The following PPP1R14C variants were observed in gnomAD, a reference collection of about 807,000 sequenced individuals.
PPP1R14C encodes the protein protein phosphatase 1 regulatory inhibitor subunit 14C.
Under a neutral mutation model 20.4 loss-of-function variants are expected in PPP1R14C, and 16 were observed. The observed-to-expected ratio is 0.78, with a 90% confidence interval of 0.53 to 1.19. The LOEUF (loss-of-function observed/expected upper bound fraction) is 1.19, where lower values mean the gene tolerates loss of function less well. Among genes scored for constraint, PPP1R14C ranks in the 50% most tolerant of loss-of-function variants. PPP1R14C has a pLI of 0.00. For missense variants in PPP1R14C, 211 were observed against 220.1 expected (o/e 0.96, Z 0.26); for synonymous variants, 91 against 91.0 (o/e 1.00, Z 0.00).
chr6:150,215,797 C>T (rs981653665), intron 2 of PPP1R14C, among the ~76,000 whole-genome samples: 2 of 152,068 alleles, frequency 1.3e-5, no homozygotes, highest in Admixed American at 1.3e-4. Context: ...CACCCCGCAC[C>T]CCCCAGTTCC....
chr6:150,212,118 C>T (rs1467933981), intron 1 of PPP1R14C, among the ~76,000 whole-genome samples: 2 of 152,178 alleles, frequency 1.3e-5, no homozygotes, highest in African/African-American at 4.8e-5. Flanking sequence ...TGCTTCCCAA[C>T]TTCTGGGCCA....
At chr6:150,191,105 GCTTA>G (rs1777736617) in intron 1 of PPP1R14C, among the ~76,000 whole-genome samples, 1 of 152,118 alleles carries the variant, frequency 6.6e-6, no homozygotes, top group South Asian at 2.1e-4. Context: ...GGGCTCTGCA[GCTTA>G]CTGTTCCCTC....
intron 1 of PPP1R14C, among the ~76,000 whole-genome samples, chr6:150,206,615 A>C (rs1777953923): frequency 6.6e-6 from 1 of 151,930 alleles, no homozygotes; most frequent in Non-Finnish European, 1.5e-5. Flanking sequence ...GAGGAAAGGG[A>C]GGCGTTCTAC....
At chr6:150,157,566 G>A (rs947030886) in intron 1 of PPP1R14C, among the ~76,000 whole-genome samples, 2 of 149,582 alleles carry the variant, frequency 1.3e-5, no homozygotes, top group African/African-American at 2.6e-5. Flanking sequence ...TATCAAGAAA[G>A]AGCCTTATTT....
intron 1 of PPP1R14C, among the ~76,000 whole-genome samples, chr6:150,206,872 G>GT (rs397962811): frequency 0.2 from 30,006 of 146,480 alleles, 3,146 homozygotes; most frequent in African/African-American, 0.25. Flanking sequence ...TTCTGTTTTT[G>GT]TTTTTTTTTT....
At chr6:150,239,932 T>C (rs6557396) in intron 3 of PPP1R14C, among the ~76,000 whole-genome samples, 75,113 of 151,892 alleles carry the variant, frequency 0.49, 20,444 homozygotes, top group African/African-American at 0.74. Flanking sequence ...TGCATGCCTG[T>C]AATCCCAGCT....
chr6:150,151,363 ATC>A (rs1427198470), intron 1 of PPP1R14C, among the ~76,000 whole-genome samples: 1 of 152,100 alleles, frequency 6.6e-6, no homozygotes, highest in African/African-American at 2.4e-5. Context: ...TGGCATGCTT[ATC>A]TCTTGCCTCC....
intron 3 of PPP1R14C, among the ~76,000 whole-genome samples, chr6:150,247,454 G>A (rs1778506250): frequency 6.6e-6 from 1 of 152,130 alleles, no homozygotes; most frequent in Non-Finnish European, 1.5e-5. Flanking sequence ...GTGTAAAGTG[G>A]GAACCATTCT....
At chr6:150,237,791 C>A (rs1164337870) in intron 3 of PPP1R14C, among the ~76,000 whole-genome samples, 13 of 152,198 alleles carry the variant, frequency 8.5e-5, no homozygotes, top group Non-Finnish European at 2.9e-5. Flanking sequence ...CCCAAGTCAT[C>A]TGACTCTAGA....
intron 1 of PPP1R14C, among the ~76,000 whole-genome samples, chr6:150,200,121 G>T (rs1298028481): frequency 4.0e-5 from 6 of 148,202 alleles, no homozygotes; most frequent in Non-Finnish European, 9.0e-5. Context: ...TACATTTTTG[G>T]TAGCATTATT....
At chr6:150,191,788 T>C (rs1385437450) in intron 1 of PPP1R14C, among the ~76,000 whole-genome samples, 1 of 152,208 alleles carries the variant, frequency 6.6e-6, no homozygotes, top group African/African-American at 2.4e-5. Flanking sequence ...TGAGTACTTA[T>C]GCACATTGAA....
rs149447701 is a variant in PPP1R14C at position 150,156,618 on chromosome 6, C to A, written c.306+13120C>A. Among the ~76,000 whole-genome samples, 19 of 152,288 alleles carry A rather than the reference C, an allele frequency of 1.2e-4. 1 individual carries two copies. Among genetic ancestry groups the A allele is most frequent in the African/African-American group, 4.3e-4 (18 of 41,558 alleles). On this transcript the variant is annotated intron_variant, in intron 1 of 3. Coordinates refer to ENST00000361131, the MANE Select transcript of PPP1R14C (RefSeq NM_030949.3). ...TGAGCTAATACTCTACATAACAATT[C>A]AAATTAGTCAACTGGTTTTTCTCAT...
intron 1 of PPP1R14C, among the ~76,000 whole-genome samples, chr6:150,161,801 A>G (rs1225843659): frequency 6.6e-6 from 1 of 152,242 alleles, no homozygotes; most frequent in Non-Finnish European, 1.5e-5. Flanking sequence ...AGGTTGTTGC[A>G]TACATTTGTA....
chr6:150,176,453 C>T (rs1448518087), intron 1 of PPP1R14C, among the ~76,000 whole-genome samples: 1 of 152,226 alleles, frequency 6.6e-6, no homozygotes, highest in Non-Finnish European at 1.5e-5. Context: ...TTGTATGTCT[C>T]AGCGTCAAAG....
chr6:150,230,625 T>C (rs1778283309), intron 3 of PPP1R14C, among the ~76,000 whole-genome samples: 2 of 152,216 alleles, frequency 1.3e-5, no homozygotes, highest in South Asian at 4.1e-4. Context: ...GGGCACCCTT[T>C]ATTAGAGCTT....
At chr6:150,146,017 G>T (rs920009238) in intron 1 of PPP1R14C, among the ~76,000 whole-genome samples, 2 of 152,194 alleles carry the variant, frequency 1.3e-5, no homozygotes, top group Non-Finnish European at 2.9e-5. Flanking sequence ...ACCACTTTCT[G>T]TCTGTGTTTT....
At chr6:150,216,110 T>C (rs932819148) in intron 2 of PPP1R14C, among the ~76,000 whole-genome samples, 2 of 152,238 alleles carry the variant, frequency 1.3e-5, no homozygotes, top group African/African-American at 2.4e-5. Flanking sequence ...ACTAAATTAG[T>C]CCACATCTCT....
chr6:150,157,935 G>A (rs78657037), intron 1 of PPP1R14C, among the ~76,000 whole-genome samples: 4 of 152,168 alleles, frequency 2.6e-5, no homozygotes, highest in African/African-American at 7.2e-5. Flanking sequence ...CGTGCGTTTC[G>A]ATGGGGACAC....
chr6:150,236,059 G>C (rs1447755302), intron 3 of PPP1R14C, among the ~76,000 whole-genome samples: 2 of 152,192 alleles, frequency 1.3e-5, no homozygotes, highest in African/African-American at 4.8e-5. Flanking sequence ...ATGGTGCAAA[G>C]GGAATTGTGC....
Sources: allele counts gnomAD v4.1 joint callset (sites outside exome capture counted in the v4.1 genomes callset), GRCh38; gene constraint gnomAD v4.1.1; transcripts MANE v1.5; gene names NCBI Gene and HGNC (gene_info 2026-07-23, HGNC 2026-07-21).